VEPH1: variants seen among roughly 807,000 people sequenced by gnomAD.
VEPH1 encodes ventricular zone expressed PH domain containing 1.
In VEPH1, 80 loss-of-function variants were observed where a neutral mutation model predicts 85.2. The ratio of observed to expected loss-of-function variants is 0.94; its 90% CI spans 0.78 to 1.13. The LOEUF is 1.13. VEPH1 is among the 50% of genes most tolerant of loss of function. The pLI, the probability that VEPH1 is intolerant of heterozygous loss-of-function variation, is 0.00. For synonymous variants in VEPH1, 297 were observed against 348.0 expected (o/e 0.85, Z 1.63); for missense variants, 955 against 980.5 (o/e 0.97, Z 0.35).
At chr3:157,447,750 A>T (rs1446949018) in intron 4 of VEPH1, among the ~76,000 whole-genome samples, 1 of 151,932 alleles carries the variant, frequency 6.6e-6, no homozygotes, top group African/African-American at 2.4e-5. Flanking sequence ...GTGTGCCACC[A>T]CGCCTGGCTA....
chr3:157,478,763 A>G (rs757780669), intron 2 of VEPH1, among the ~76,000 whole-genome samples: 1 of 152,366 alleles, frequency 6.6e-6, no homozygotes, highest in African/African-American at 2.4e-5. Context: ...ATTACTTCAC[A>G]TTGTTCATAA....
At chr3:157,383,878 C>A (rs1256040826) in intron 6 of VEPH1, among the ~76,000 whole-genome samples, 3 of 152,066 alleles carry the variant, frequency 2.0e-5, no homozygotes, top group Non-Finnish European at 4.4e-5. Context: ...GCTCTTGGAT[C>A]CAACAGTTTT....
At chr3:157,353,976 CTGTT>C (rs1165573697) in intron 9 of VEPH1, among the ~76,000 whole-genome samples, 14 of 152,284 alleles carry the variant, frequency 9.2e-5, no homozygotes, top group Admixed American at 7.8e-4. Flanking sequence ...TGAAATTACT[CTGTT>C]TGAAACTACA....
chr3:157,398,678 T>C (rs1467761310), intron 6 of VEPH1, among the ~76,000 whole-genome samples: 1 of 151,606 alleles, frequency 6.6e-6, no homozygotes, highest in African/African-American at 2.4e-5. Flanking sequence ...TGATAGAGCC[T>C]TGCTCTAGAA....
intron 9 of VEPH1, among the ~76,000 whole-genome samples, chr3:157,325,890 G>A (rs1300724228): frequency 6.6e-6 from 1 of 152,064 alleles, no homozygotes; most frequent in Non-Finnish European, 1.5e-5. Flanking sequence ...TAGTTTAATG[G>A]GAATAGCATT....
intron 9 of VEPH1, among the ~76,000 whole-genome samples, chr3:157,331,307 C>G (rs1722477767): frequency 6.6e-6 from 1 of 152,170 alleles, no homozygotes; most frequent in Non-Finnish European, 1.5e-5. Flanking sequence ...AGCCACACTC[C>G]TAGGACAGTG....
intron 6 of VEPH1, among the ~76,000 whole-genome samples, chr3:157,404,000 G>A (rs550348299): frequency 4.6e-5 from 7 of 152,144 alleles, no homozygotes; most frequent in Non-Finnish European, 7.4e-5. Context: ...CTGCTGGTCC[G>A]GACACTTTGG....
chr3:157,426,315 T>C (rs1732750777), intron 5 of VEPH1, among the ~76,000 whole-genome samples: 1 of 152,206 alleles, frequency 6.6e-6, no homozygotes, highest in Non-Finnish European at 1.5e-5. Context: ...TCAAGACTTC[T>C]GTTGGATGTT....
At chr3:157,428,060 A>G (rs1732879654) in intron 5 of VEPH1, among the ~76,000 whole-genome samples, 1 of 152,190 alleles carries the variant, frequency 6.6e-6, no homozygotes, top group Admixed American at 6.5e-5. Flanking sequence ...TCCAATTCTC[A>G]GGCTTTCAGA....
At chr3:157,303,942 C>T (rs568016188) in intron 11 of VEPH1, among the ~76,000 whole-genome samples, 11 of 149,960 alleles carry the variant, frequency 7.3e-5, no homozygotes, top group South Asian at 4.3e-4. Flanking sequence ...TATATTCATA[C>T]GGCTCTTCTG....
intron 9 of VEPH1, among the ~76,000 whole-genome samples, chr3:157,360,067 T>A (rs757887124): frequency 2.6e-5 from 4 of 152,190 alleles, no homozygotes; most frequent in Non-Finnish European, 4.4e-5. Flanking sequence ...ACATCAAACA[T>A]AACACAATTA....
At chr3:157,404,674 T>G (rs184522097) in intron 6 of VEPH1, among the ~76,000 whole-genome samples, 1 of 152,254 alleles carries the variant, frequency 6.6e-6, no homozygotes, top group Admixed American at 6.5e-5. Context: ...CATCACTGGT[T>G]GTAGGATGCC....
At chr3:157,502,658 C>A (rs1740205179) in intron 1 of VEPH1, among the ~76,000 whole-genome samples, 1 of 151,930 alleles carries the variant, frequency 6.6e-6, no homozygotes, top group African/African-American at 2.4e-5. Context: ...ATATTTTTTT[C>A]TGCTTTTTAA....
intron 6 of VEPH1, among the ~76,000 whole-genome samples, chr3:157,390,007 TG>T (rs1189719333): frequency 3.9e-5 from 6 of 152,238 alleles, no homozygotes; most frequent in Non-Finnish European, 8.8e-5. Flanking sequence ...ATGTGAGCAT[TG>T]TTTTCCATCC....
rs943771918 is a variant in VEPH1 at position 157,339,449 on chromosome 3, C to T, written c.1736-22248G>A. Among the ~76,000 whole-genome samples, 4 of 152,294 alleles carry T rather than the reference C, an allele frequency of 2.6e-5. No individual in the cohort carries two copies. The East Asian group carries it at 7.7e-4, about 29-fold the overall frequency. Reference sequence around the variant, plus strand: ...CTGGTCAGCCATCCACCAAAGGTGGCAATCCTGTTCCTCACCCTGTGCTGT... The same window carrying T: ...CTGGTCAGCCATCCACCAAAGGTGGTAATCCTGTTCCTCACCCTGTGCTGT... On this transcript the variant is annotated intron_variant, in intron 9 of 13. Coordinates refer to ENST00000362010, the MANE Select transcript of VEPH1 (RefSeq NM_001167912.2).
intron 2 of VEPH1, chr3:157,489,071 T>C: frequency 2.2e-6 from 1 of 454,444 alleles, no homozygotes; most frequent in Non-Finnish European, 4.4e-6. Context: ...CACTGCTCCA[T>C]GATGGTCAGA....
intron 4 of VEPH1, among the ~76,000 whole-genome samples, chr3:157,438,205 T>C (rs980126767): frequency 4.6e-5 from 7 of 151,898 alleles, no homozygotes; most frequent in Non-Finnish European, 5.9e-5. Flanking sequence ...AGTCTTGAAA[T>C]AGACGTCTAG....
At chr3:157,354,279 C>T (rs932695302) in intron 9 of VEPH1, among the ~76,000 whole-genome samples, 3 of 151,954 alleles carry the variant, frequency 2.0e-5, no homozygotes, top group Non-Finnish European at 4.4e-5. Flanking sequence ...AATGAGTGGT[C>T]ATCTCAAAAT....
intron 11 of VEPH1, among the ~76,000 whole-genome samples, chr3:157,288,170 T>C (rs1717020017): frequency 6.6e-6 from 1 of 152,244 alleles, no homozygotes; most frequent in Non-Finnish European, 1.5e-5. Context: ...AACTGCATTC[T>C]TAAAAGGCTC....
Sources: allele counts gnomAD v4.1 joint callset (sites outside exome capture counted in the v4.1 genomes callset), GRCh38; gene constraint gnomAD v4.1.1; transcripts MANE v1.5; gene names NCBI Gene and HGNC (gene_info 2026-07-23, HGNC 2026-07-21).